MSR1: variants seen among roughly 807,000 people sequenced by gnomAD.
MSR1 encodes macrophage scavenger receptor types I and II.
Under a neutral mutation model 47.2 loss-of-function variants are expected in MSR1, and 53 were observed. That is an observed-to-expected ratio of 1.12 (90% CI 0.90 to 1.41). The LOEUF (loss-of-function observed/expected upper bound fraction) is 1.41. Ranked by LOEUF, MSR1 falls within the 40% of genes most tolerant of loss-of-function variation. The pLI, the probability that MSR1 is intolerant of heterozygous loss-of-function variation, is 0.00. For missense variants in MSR1, 786 were observed against 546.9 expected (o/e 1.44, Z -4.36); for synonymous variants, 239 against 185.6 (o/e 1.29, Z -2.34).
At chr8:16,157,795 C>G (rs559794021) in intron 5 of MSR1, among the ~76,000 whole-genome samples, 16 of 152,068 alleles carry the variant, frequency 1.1e-4, no homozygotes, top group African/African-American at 3.6e-4. Flanking sequence ...CACAGCTGGA[C>G]TATTGCTAGA....
rs1563175591 is a variant in MSR1 at position 16,189,425 on chromosome 8, T to C, written c.-5+3173A>G. On this transcript the variant is annotated intron_variant, in intron 1 of 9. Coordinates refer to ENST00000262101, the MANE Select transcript of MSR1 (RefSeq NM_138715.3). ...ATATTTTATATATATTTTATATATA[T>C]AAAATCATATTTTATATATATAAAA... 2.1e-5 allele frequency among the ~76,000 whole-genome samples: 2 copies of C among 93,478 alleles called. 1 individual carries two copies. Among genetic ancestry groups the C allele is most frequent in the Non-Finnish European group, 3.5e-5 (2 of 56,696 alleles). 61.3% of individuals were successfully genotyped at this position (93,478 alleles called of 152,430 possible).
At chr8:16,138,454 T>G (rs186631395) in intron 8 of MSR1, among the ~76,000 whole-genome samples, 4 of 152,292 alleles carry the variant, frequency 2.6e-5, no homozygotes, top group Admixed American at 1.3e-4. Flanking sequence ...GTGCCAATAA[T>G]TTGAACAGGG....
chr8:16,191,965 C>T (rs1485650237), intron 1 of MSR1, among the ~76,000 whole-genome samples: 1 of 152,114 alleles, frequency 6.6e-6, no homozygotes, highest in African/African-American at 2.4e-5. Flanking sequence ...TTTCATACTA[C>T]TTAAGGTGCT....
chr8:16,141,520 T>C (rs1800556317), intron 8 of MSR1, among the ~76,000 whole-genome samples: 1 of 152,122 alleles, frequency 6.6e-6, no homozygotes, highest in Non-Finnish European at 1.5e-5. Flanking sequence ...GACTGACATA[T>C]TAACATAAGC....
At chr8:16,178,373 C>A (rs538021621) in intron 1 of MSR1, among the ~76,000 whole-genome samples, 1 of 151,200 alleles carries the variant, frequency 6.6e-6, no homozygotes, top group African/African-American at 2.4e-5. Context: ...TTTGTCCTTG[C>A]GATAGTTTGC....
intron 8 of MSR1, among the ~76,000 whole-genome samples, chr8:16,134,336 C>T (rs917975853): frequency 6.6e-6 from 1 of 152,028 alleles, no homozygotes; most frequent in Non-Finnish European, 1.5e-5. Flanking sequence ...TTTTGAAATC[C>T]ATGTATAGTG....
At chr8:16,120,080 A>G (rs1271925677) in intron 9 of MSR1, among the ~76,000 whole-genome samples, 2 of 151,648 alleles carry the variant, frequency 1.3e-5, no homozygotes, top group East Asian at 3.9e-4. Flanking sequence ...TCATTTTTTT[A>G]AAAACAAAAT....
intron 8 of MSR1, among the ~76,000 whole-genome samples, chr8:16,124,150 C>T (rs1362304044): frequency 2.0e-5 from 3 of 152,106 alleles, no homozygotes; most frequent in Admixed American, 2.0e-4. Flanking sequence ...CTAGTTTGGG[C>T]CAAATGCCCA....
At chr8:16,131,765 C>T (rs1408419567) in intron 8 of MSR1, among the ~76,000 whole-genome samples, 5 of 151,970 alleles carry the variant, frequency 3.3e-5, no homozygotes, top group Non-Finnish European at 7.4e-5. Context: ...TTGTTTTTAT[C>T]GGCTTTGTCA....
rs950330207 is a variant in MSR1 at position 16,139,981 on chromosome 8, T to A, written c.1033+3577A>T. 1.4e-5 allele frequency: 7 copies of A among 503,766 alleles called. No homozygotes were observed. In the African/African-American group the frequency reaches 1.5e-4, roughly 11 times the overall value. The allele number at this position is 503,766 out of a possible 1,614,324, so 31.2% of individuals were successfully genotyped here. A position where few individuals can be genotyped will look rare whatever the true frequency, so the allele number is the denominator to read the frequency against. On this transcript the variant is annotated intron_variant, in intron 8 of 9. Transcript: ENST00000262101. ...AGATGTATTGTAATTGCTTGTTCAT[T>A]TGTCTACATCTCTTAGGGACAATTA...
At chr8:16,180,229 A>G (rs1299036375) in intron 1 of MSR1, among the ~76,000 whole-genome samples, 3 of 151,832 alleles carry the variant, frequency 2.0e-5, no homozygotes, top group African/African-American at 7.3e-5. Context: ...ATTGGCAGCC[A>G]TATAAATATG....
chr8:16,159,027 C>T (rs1226820614), intron 5 of MSR1, among the ~76,000 whole-genome samples: 6 of 147,686 alleles, frequency 4.1e-5, no homozygotes, highest in African/African-American at 1.2e-4. Flanking sequence ...GTCTCACTCT[C>T]CTGAAGTGCT....
intron 5 of MSR1, among the ~76,000 whole-genome samples, chr8:16,163,508 T>G (rs1485089968): frequency 1.3e-5 from 2 of 151,048 alleles, no homozygotes; most frequent in Admixed American, 6.6e-5. Flanking sequence ...AACTAAAATA[T>G]CTAAAATGTA....
intron 8 of MSR1, among the ~76,000 whole-genome samples, chr8:16,133,746 C>A (rs967566146): frequency 2.6e-5 from 4 of 152,142 alleles, no homozygotes; most frequent in African/African-American, 9.7e-5. Context: ...GTTTTATCTT[C>A]TCCTATAATT....
At chr8:16,188,971 T>C (rs756969478) in intron 1 of MSR1, among the ~76,000 whole-genome samples, 17,582 of 111,882 alleles carry the variant, frequency 0.16, 1,640 homozygotes, top group African/African-American at 0.31. Context: ...CACATACATA[T>C]ATATATATAT....
chr8:16,133,028 C>A lies in MSR1; in HGVS notation c.1033+10530G>T, dbSNP rs973288178. 2.0e-5 allele frequency among the ~76,000 whole-genome samples: 3 copies of A among 152,202 alleles called. No individual in the cohort carries two copies. The South Asian group carries it at 6.2e-4, about 32-fold the overall frequency. ...CGTTTGCTGTATCTATTGAGATCAT[C>A]ATGTAGTTTTTGTTGTTAGTTTTAT... On this transcript the variant is annotated intron_variant, in intron 8 of 9. Transcript: ENST00000262101.
At chr8:16,172,149 T>C (rs1263431463) in intron 3 of MSR1, among the ~76,000 whole-genome samples, 1 of 152,218 alleles carries the variant, frequency 6.6e-6, no homozygotes, top group African/African-American at 2.4e-5. Context: ...TATTTTACTA[T>C]GCACATTGCT....
chr8:16,149,300 C>T (rs986933752), intron 7 of MSR1, among the ~76,000 whole-genome samples: 2 of 152,070 alleles, frequency 1.3e-5, no homozygotes, highest in Non-Finnish European at 2.9e-5. Context: ...ACTCTCTATG[C>T]TTTCTGTGCA....
At chr8:16,134,121 A>C (rs1237915657) in intron 8 of MSR1, among the ~76,000 whole-genome samples, 3 of 152,128 alleles carry the variant, frequency 2.0e-5, no homozygotes, top group Admixed American at 1.3e-4. Context: ...TGTGCCTATA[A>C]ACTTTTCATA....
Sources: gnomAD v4.1 joint callset for allele counts (sites outside exome capture counted in the v4.1 genomes callset) on GRCh38, gnomAD v4.1.1 for gene constraint, MANE v1.5 for transcripts, NCBI Gene and HGNC (gene_info 2026-07-23, HGNC 2026-07-21) for gene names.